SNAP47: variants seen among roughly 807,000 people sequenced by gnomAD.
SNAP47 encodes synaptosome associated protein 47.
In SNAP47, 20 loss-of-function variants were observed where a neutral mutation model predicts 31.4. That is an observed-to-expected ratio of 0.64 (90% CI 0.45 to 0.93). The LOEUF is 0.93. Ranked by LOEUF, SNAP47 falls within the 40% of genes least tolerant of loss-of-function variation. The probability of loss-of-function intolerance (pLI) is 0.00; values close to 1 mark genes in which losing one functional copy is unlikely to be tolerated. For synonymous variants in SNAP47, 194 were observed against 213.4 expected (o/e 0.91, Z 0.79); for missense variants, 492 against 528.5 (o/e 0.93, Z 0.68).
At chr1:227,751,349 G>A (rs976308549) in intron 2 of SNAP47, among the ~76,000 whole-genome samples, 9 of 152,172 alleles carry the variant, frequency 5.9e-5, no homozygotes, top group Admixed American at 3.9e-4. Flanking sequence ...AGGCCCCACC[G>A]CCGGCCAGGT....
rs540732076 is a variant in SNAP47, at chr1:227,751,744, G to GTTTTTTTTTT, written c.497+3539_497+3548dup. Among the ~76,000 whole-genome samples, 10 of 69,196 alleles carry GTTTTTTTTTT rather than the reference G, an allele frequency of 1.4e-4. 3 individuals are homozygous for GTTTTTTTTTT. Among genetic ancestry groups the GTTTTTTTTTT allele is most frequent in the African/African-American group, 2.2e-4 (4 of 18,000 alleles). The allele number at this position is 69,196 out of a possible 152,430, so 45.4% of individuals were successfully genotyped here. On this transcript the variant is annotated intron_variant, in intron 2 of 4. Coordinates refer to ENST00000617596, the MANE Select transcript of SNAP47 (RefSeq NM_053052.4). ...ATGGGGCCAATTACATAAAGACTTGGTTTTTTTTTTTTTTTTTTTTTTTTT... is the reference window on the plus strand; with the variant it reads ...ATGGGGCCAATTACATAAAGACTTGGTTTTTTTTTTTTTTTTTTTTTTTTTTTTTTTTTTT...
At chr1:227,756,437 A>G (rs1662696969) in intron 2 of SNAP47, among the ~76,000 whole-genome samples, 1 of 152,164 alleles carries the variant, frequency 6.6e-6, no homozygotes, top group Admixed American at 6.5e-5. Context: ...TTCCTTTAAG[A>G]TCTAATTTGC....
intron 2 of SNAP47, among the ~76,000 whole-genome samples, chr1:227,749,397 G>A (rs983509513): frequency 6.6e-6 from 1 of 152,108 alleles, no homozygotes; most frequent in Non-Finnish European, 1.5e-5. Context: ...GGATCCGGGG[G>A]TGCCCACTTG....
At position 227,767,051 on chromosome 1, in the gene SNAP47, CT is replaced by C; in HGVS notation, c.1084del (p.Ser362LeufsTer8). The part of the protein sequence containing the change: ...ALHLQTSLPA[L>X]SEADTQELTQ... Reference sequence around the variant, plus strand: ...GCACCTGCAGACAAGCCTGCCAGCCCTTTCTGAGGCAGATACCCAGGAACTA... The same window carrying C: ...GCACCTGCAGACAAGCCTGCCAGCCCTTCTGAGGCAGATACCCAGGAACTA... On this transcript the variant is annotated frameshift_variant, in exon 4 of 5. Coordinates refer to ENST00000617596, the MANE Select transcript of SNAP47 (RefSeq NM_053052.4). LOFTEE classifies it high-confidence loss of function. 6.2e-7 allele frequency: 1 copy of C among 1,614,090 alleles called. No homozygotes were observed. Among genetic ancestry groups the C allele is most frequent in the Non-Finnish European group, 8.5e-7 (1 of 1,180,020 alleles).
intron 1 of SNAP47, among the ~76,000 whole-genome samples, chr1:227,737,693 AGAGGGAGGACCAAGGTCTGAGGAGTTG>A (rs1208216903): frequency 3.3e-5 from 5 of 152,172 alleles, no homozygotes; most frequent in Admixed American, 1.3e-4. Flanking sequence ...GAGGAGCAGA[AGAGGGAGGACCAAGGTCTGAGGAGTTG>A]GAGGGAGGAC....
chr1:227,746,978 C>G (rs988758370), intron 1 of SNAP47: 1 of 152,242 alleles, frequency 6.6e-6, no homozygotes, highest in South Asian at 2.1e-4. Flanking sequence ...TCGTTCAAAT[C>G]TATCATCCAA....
chr1:227,742,215 G>C (rs537908641), intron 1 of SNAP47, among the ~76,000 whole-genome samples: 4 of 151,974 alleles, frequency 2.6e-5, no homozygotes, highest in South Asian at 4.2e-4. Context: ...AGAGTGTGAT[G>C]TTCTCCTTCC....
intron 4 of SNAP47, chr1:227,770,809 G>C (rs1663754996): frequency 6.6e-6 from 1 of 152,522 alleles, no homozygotes; most frequent in Admixed American, 6.5e-5. Context: ...TGGCTTCTTT[G>C]AGCTCACCGA....
At chr1:227,742,523 C>T (rs1234408003) in intron 1 of SNAP47, among the ~76,000 whole-genome samples, 1 of 152,192 alleles carries the variant, frequency 6.6e-6, no homozygotes, top group African/African-American at 2.4e-5. Context: ...GCTGCAACAC[C>T]AGTAACAGGA....
intron 4 of SNAP47, among the ~76,000 whole-genome samples, chr1:227,779,248 C>T (rs541984951): frequency 2.6e-5 from 4 of 152,308 alleles, no homozygotes; most frequent in Admixed American, 6.5e-5. Flanking sequence ...AGATGAAGGC[C>T]GGACCATAGG....
At chr1:227,772,877 A>G (rs547161385) in intron 4 of SNAP47, among the ~76,000 whole-genome samples, 4 of 152,324 alleles carry the variant, frequency 2.6e-5, no homozygotes, top group Admixed American at 6.5e-5. Flanking sequence ...CATAGATAAT[A>G]TGAGTTTATC....
At chr1:227,767,540 T>G (rs543770436) in intron 4 of SNAP47, among the ~76,000 whole-genome samples, 1 of 152,260 alleles carries the variant, frequency 6.6e-6, no homozygotes, top group African/African-American at 2.4e-5. Context: ...TGTGTACTTG[T>G]GAGTACATGT....
At chr1:227,761,388 G>T (rs908168615) in intron 3 of SNAP47, among the ~76,000 whole-genome samples, 1 of 152,232 alleles carries the variant, frequency 6.6e-6, no homozygotes, top group Non-Finnish European at 1.5e-5. Context: ...GCACGTAGTT[G>T]AATCACAGAA....
intron 2 of SNAP47, among the ~76,000 whole-genome samples, chr1:227,754,543 T>G (rs1174015684): frequency 6.6e-6 from 1 of 152,198 alleles, no homozygotes; most frequent in Non-Finnish European, 1.5e-5. Context: ...ACCACGCCCT[T>G]CCCTTTCCAG....
chr1:227,742,251 A>G (rs1181455101), intron 1 of SNAP47, among the ~76,000 whole-genome samples: 1 of 151,974 alleles, frequency 6.6e-6, no homozygotes, highest in Non-Finnish European at 1.5e-5. Flanking sequence ...TCATTGTTCA[A>G]TTAGACGGAA....
At chr1:227,746,349 C>G (rs1221224579) in intron 1 of SNAP47, 1 of 152,262 alleles carries the variant, frequency 6.6e-6, no homozygotes, top group African/African-American at 2.4e-5. Flanking sequence ...CACCTCCTTC[C>G]CTGCAGTGGT....
chr1:227,760,465 G>A (rs755863487), intron 3 of SNAP47, among the ~76,000 whole-genome samples: 5 of 152,188 alleles, frequency 3.3e-5, no homozygotes, highest in African/African-American at 4.8e-5. Flanking sequence ...GTACCTTCCC[G>A]CAGACTCCAT....
Position 227,740,637 on chromosome 1 carries a change from C to T in SNAP47, c.-46+5138C>T, listed in dbSNP as rs556757713. On this transcript the variant is annotated intron_variant, in intron 1 of 4. Coordinates refer to ENST00000617596, the MANE Select transcript of SNAP47 (RefSeq NM_053052.4). ...GTCCCTGTGACTACAACACCTTCCC[C>T]CAAGTGTGTTGCTTGTGCTGGTTGG... 8.5e-5 allele frequency among the ~76,000 whole-genome samples: 13 copies of T among 152,308 alleles called. No individual in the cohort carries two copies. In the South Asian group the frequency reaches 2.3e-3, roughly 27 times the overall value.
upstream of SNAP47, chr1:227,734,921 C>G: frequency 6.5e-7 from 1 of 1,531,782 alleles, no homozygotes. Context: ...CTCCCTCACC[C>G]TCCCTGGTGC....
Sources: allele counts gnomAD v4.1 joint callset (sites outside exome capture counted in the v4.1 genomes callset), GRCh38; gene constraint gnomAD v4.1.1; transcripts MANE v1.5; gene names NCBI Gene and HGNC (gene_info 2026-07-23, HGNC 2026-07-21).